Variants in CA10 observed in about 807,000 individuals in gnomAD.
The protein encoded by CA10 is carbonic anhydrase-related protein 10.
A neutral mutation model predicts 44.2 loss-of-function variants in CA10; 14 were observed. The observed-to-expected ratio is 0.32, with a 90% confidence interval of 0.21 to 0.50. The LOEUF is 0.50. Ranked by LOEUF, CA10 falls within the 20% of genes least tolerant of loss-of-function variation. The pLI, the probability that CA10 is intolerant of heterozygous loss-of-function variation, is 0.99. For synonymous variants in CA10, 159 were observed against 141.6 expected, an observed-to-expected ratio of 1.12 and a Z score of -0.87; for missense variants, 350 against 409.7, an observed-to-expected ratio of 0.85 and a Z score of 1.26.
intron 3 of CA10, among the ~76,000 whole-genome samples, chr17:51,922,429 C>A (rs767916461): frequency 7.2e-5 from 11 of 152,122 alleles, no homozygotes; most frequent in Non-Finnish European, 1.5e-4. Context: ...ATCCTGCTTT[C>A]CTCTAACCAC....
At chr17:51,967,955 A>G (rs73987333) in intron 2 of CA10, among the ~76,000 whole-genome samples, 3,415 of 151,866 alleles carry the variant, frequency 0.022, 127 homozygotes, top group African/African-American at 0.078. Context: ...GTGTTACCCT[A>G]TATTGAAAAG....
At position 52,119,126 on chromosome 17, in the gene CA10, T is replaced by C. The variant is rs138641852; in HGVS notation, c.61+38600A>G. Among the ~76,000 whole-genome samples the C allele has an allele frequency of 2.7e-5, 4 of 148,522 alleles. No individual in the cohort carries two copies. The East Asian group carries it at 8.4e-4, about 31-fold the overall frequency. On this transcript the variant is annotated intron_variant, in intron 1 of 8. Coordinates refer to ENST00000451037, the MANE Select transcript of CA10 (RefSeq NM_020178.5). ...ACCTTATGTTCAGCTATTTATGGCCTTTAATAATTGAATAAAGTACAATTC... is the reference window on the plus strand; with the variant it reads ...ACCTTATGTTCAGCTATTTATGGCCCTTAATAATTGAATAAAGTACAATTC...
chr17:51,719,360 T>C (rs1916278762), intron 4 of CA10, among the ~76,000 whole-genome samples: 1 of 152,184 alleles, frequency 6.6e-6, no homozygotes, highest in African/African-American at 2.4e-5. Flanking sequence ...GAGGTTCGCT[T>C]GTTGCTGAAA....
intron 2 of CA10, among the ~76,000 whole-genome samples, chr17:52,023,735 C>A (rs1343605510): frequency 2.0e-5 from 3 of 150,960 alleles, no homozygotes; most frequent in Admixed American, 2.0e-4. Flanking sequence ...GCAACAAAGG[C>A]CTACTATCCA....
chr17:51,867,662 A>G (rs1348761334), intron 3 of CA10, among the ~76,000 whole-genome samples: 1 of 152,218 alleles, frequency 6.6e-6, no homozygotes, highest in Admixed American at 6.5e-5. Flanking sequence ...ATAGTTCACC[A>G]GCAATTCCAG....
intron 4 of CA10, among the ~76,000 whole-genome samples, chr17:51,662,636 GAGA>G (rs1258129941): frequency 2.0e-5 from 3 of 152,204 alleles, no homozygotes; most frequent in African/African-American, 7.2e-5. Context: ...ACAGTCTGCA[GAGA>G]AGAACACAGT....
intron 2 of CA10, among the ~76,000 whole-genome samples, chr17:52,000,586 G>A (rs17605601): frequency 0.074 from 11,236 of 152,080 alleles, 414 homozygotes; most frequent in South Asian, 0.12. Context: ...CACTTAAGAG[G>A]AAATAAGCAC....
At chr17:52,058,054 C>A (rs1987278786) in intron 2 of CA10, among the ~76,000 whole-genome samples, 1 of 152,096 alleles carries the variant, frequency 6.6e-6, no homozygotes, top group Non-Finnish European at 1.5e-5. Flanking sequence ...TGGATGGCTG[C>A]AACGTGACCC....
chr17:51,674,787 A>C (rs1351119899), intron 4 of CA10, among the ~76,000 whole-genome samples: 1 of 152,228 alleles, frequency 6.6e-6, no homozygotes, highest in Non-Finnish European at 1.5e-5. Flanking sequence ...GAAGTCAGTT[A>C]AAAAGATTAA....
At chr17:51,780,599 G>A (rs113929142) in intron 3 of CA10, among the ~76,000 whole-genome samples, 67 of 152,260 alleles carry the variant, frequency 4.4e-4, no homozygotes, top group African/African-American at 1.4e-3. Flanking sequence ...AGGTCACATG[G>A]ACACCTAAAT....
At chr17:51,799,545 C>A (rs1035764664) in intron 3 of CA10, among the ~76,000 whole-genome samples, 1 of 152,116 alleles carries the variant, frequency 6.6e-6, no homozygotes, top group African/African-American at 2.4e-5. Context: ...TTGGCCACAG[C>A]AAGTCATGTG....
chr17:52,020,038 T>A (rs557662825), intron 2 of CA10, among the ~76,000 whole-genome samples: 10 of 152,144 alleles, frequency 6.6e-5, no homozygotes, highest in African/African-American at 2.2e-4. Flanking sequence ...TATTCTTCAC[T>A]TAGTTTTGTC....
At chr17:52,008,640 A>G (rs1011555655) in intron 2 of CA10, among the ~76,000 whole-genome samples, 2 of 151,776 alleles carry the variant, frequency 1.3e-5, no homozygotes, top group African/African-American at 4.8e-5. Flanking sequence ...ATCCTCCAGT[A>G]TCTTTCTTTT....
chr17:51,800,809 TTC>T (rs1464763298), intron 3 of CA10, among the ~76,000 whole-genome samples: 10 of 152,116 alleles, frequency 6.6e-5, no homozygotes, highest in African/African-American at 2.2e-4. Flanking sequence ...GAGTAGATCT[TTC>T]TGTCTTCAGA....
chr17:52,026,114 G>T (rs1160656340), intron 2 of CA10, among the ~76,000 whole-genome samples: 1 of 152,032 alleles, frequency 6.6e-6, no homozygotes, highest in African/African-American at 2.4e-5. Flanking sequence ...GCAAATATGG[G>T]CTCCCATTCA....
At chr17:51,692,900 C>T (rs562135056) in intron 4 of CA10, among the ~76,000 whole-genome samples, 10 of 152,168 alleles carry the variant, frequency 6.6e-5, no homozygotes, top group East Asian at 3.9e-4. Context: ...TGGCTGTCCA[C>T]GACCAGCTTC....
At chr17:51,963,180 C>T (rs949809399) in intron 2 of CA10, among the ~76,000 whole-genome samples, 10 of 152,036 alleles carry the variant, frequency 6.6e-5, no homozygotes, top group African/African-American at 2.4e-4. Context: ...AGCTTGAAGA[C>T]TAGTCTTTTG....
At chr17:51,730,890 A>T (rs1371713069) in intron 4 of CA10, among the ~76,000 whole-genome samples, 1 of 122,696 alleles carries the variant, frequency 8.2e-6, no homozygotes, top group African/African-American at 2.9e-5. Context: ...TAAAAAGATA[A>T]GTCAACACAG....
intron 3 of CA10, among the ~76,000 whole-genome samples, chr17:51,764,531 G>A (rs900658166): frequency 3.9e-5 from 6 of 152,178 alleles, no homozygotes; most frequent in African/African-American, 1.4e-4. Context: ...TGGACTGTGT[G>A]ATACATGTAG....
Sources: gnomAD v4.1 joint callset for allele counts (sites outside exome capture counted in the v4.1 genomes callset) on GRCh38, gnomAD v4.1.1 for gene constraint, MANE v1.5 for transcripts, NCBI Gene and HGNC (gene_info 2026-07-23, HGNC 2026-07-21) for gene names.